The following COL25A1 variants were observed in gnomAD, a reference collection of about 807,000 sequenced individuals.
COL25A1 encodes collagen type XXV alpha 1 chain.
In COL25A1, 103 loss-of-function variants were observed where a neutral mutation model predicts 128.4. The observed-to-expected ratio is 0.80, with a 90% CI of 0.68 to 0.94. The LOEUF is 0.94. Ranked by LOEUF, COL25A1 falls within the 40% of genes least tolerant of loss-of-function variation. COL25A1 has a pLI of 0.00. For missense variants in COL25A1, 745 were observed against 840.0 expected, an observed-to-expected ratio of 0.89 and a Z score of 1.40; for synonymous variants, 279 against 277.2, an observed-to-expected ratio of 1.01 and a Z score of -0.06.
chr4:109,256,018 T>A (rs562806044), intron 3 of COL25A1, among the ~76,000 whole-genome samples: 1 of 152,116 alleles, frequency 6.6e-6, no homozygotes, highest in Admixed American at 6.5e-5. Flanking sequence ...CCTCCACATG[T>A]ACCTGAAACC....
intron 12 of COL25A1, among the ~76,000 whole-genome samples, chr4:108,920,287 C>A (rs552232948): frequency 6.6e-6 from 1 of 152,258 alleles, no homozygotes; most frequent in East Asian, 1.9e-4. Context: ...TTATCTTTCA[C>A]ATTTTAAATT....
intron 3 of COL25A1, among the ~76,000 whole-genome samples, chr4:109,051,310 T>C (rs1230165653): frequency 6.6e-6 from 1 of 152,174 alleles, no homozygotes; most frequent in African/African-American, 2.4e-5. Context: ...GTGGGGCAGT[T>C]AGTTTCCTTC....
chr4:108,828,466 T>C (rs1204934483), intron 32 of COL25A1, among the ~76,000 whole-genome samples: 1 of 152,146 alleles, frequency 6.6e-6, no homozygotes, highest in African/African-American at 2.4e-5. Context: ...TTTCAACCCC[T>C]CTGAATGCCA....
chr4:109,093,462 A>AAAACAACAAC (rs1553931001), intron 3 of COL25A1, among the ~76,000 whole-genome samples: 39 of 149,174 alleles, frequency 2.6e-4, no homozygotes, highest in African/African-American at 8.7e-4. Flanking sequence ...TCTATGAAAA[A>AAAACAACAAC]AAAAAAAAAA....
chr4:109,004,402 G>T (rs535729133), intron 6 of COL25A1, among the ~76,000 whole-genome samples: 1 of 83,496 alleles, frequency 1.2e-5, no homozygotes, highest in African/African-American at 3.8e-5. Flanking sequence ...TGAGGTTTGT[G>T]TTTTTTTTTT....
intron 3 of COL25A1, among the ~76,000 whole-genome samples, chr4:109,269,689 G>A (rs573346688): frequency 0.023 from 3,557 of 151,980 alleles, 151 homozygotes; most frequent in African/African-American, 0.078. Context: ...GCCAGTGACG[G>A]TGAACATTTT....
intron 6 of COL25A1, among the ~76,000 whole-genome samples, chr4:109,000,018 T>C (rs1231756763): frequency 6.6e-6 from 1 of 151,988 alleles, no homozygotes. Flanking sequence ...CTAATGTAAA[T>C]GACAAGTTGA....
chr4:108,867,378 T>C (rs1264880957), intron 20 of COL25A1, among the ~76,000 whole-genome samples: 1 of 152,240 alleles, frequency 6.6e-6, no homozygotes, highest in Non-Finnish European at 1.5e-5. Context: ...TAACAGGGAA[T>C]GCTCATTATT....
intron 3 of COL25A1, among the ~76,000 whole-genome samples, chr4:109,118,221 G>A (rs1579424015): frequency 6.6e-6 from 1 of 151,864 alleles, no homozygotes; most frequent in African/African-American, 2.4e-5. Context: ...ATAGAGAAAG[G>A]GGAGATGTTG....
chr4:109,169,521 T>C (rs962341111), intron 3 of COL25A1, among the ~76,000 whole-genome samples: 5 of 152,190 alleles, frequency 3.3e-5, no homozygotes, highest in African/African-American at 1.2e-4. Context: ...ACCTGTCTAA[T>C]GCTTTATATA....
At chr4:109,038,704 C>T (rs185371418) in intron 5 of COL25A1, among the ~76,000 whole-genome samples, 1 of 152,316 alleles carries the variant, frequency 6.6e-6, no homozygotes, top group East Asian at 1.9e-4. Context: ...AATATCTCCA[C>T]TTAGCTGTCT....
At chr4:109,115,928 C>G (rs535050076) in intron 3 of COL25A1, among the ~76,000 whole-genome samples, 1 of 152,110 alleles carries the variant, frequency 6.6e-6, no homozygotes, top group East Asian at 1.9e-4. Context: ...AGGTTACATA[C>G]ATAACAGATA....
At chr4:108,999,438 A>G (rs565864447) in intron 6 of COL25A1, among the ~76,000 whole-genome samples, 2 of 152,336 alleles carry the variant, frequency 1.3e-5, no homozygotes, top group East Asian at 3.9e-4. Flanking sequence ...ACCAGTTAGA[A>G]TGGCAATAAT....
chr4:109,255,457 T>G (rs1398848838), intron 3 of COL25A1, among the ~76,000 whole-genome samples: 1 of 152,206 alleles, frequency 6.6e-6, no homozygotes, highest in African/African-American at 2.4e-5. Context: ...TCTAAAGCCA[T>G]GGGTCTCCCC....
intron 35 of COL25A1, among the ~76,000 whole-genome samples, chr4:108,821,379 G>C (rs1015448057): frequency 5.9e-5 from 9 of 152,138 alleles, no homozygotes; most frequent in Admixed American, 4.6e-4. Context: ...GAACATTCAG[G>C]AGTAAGTTGG....
At chr4:108,853,535 T>C (rs970585457) in intron 24 of COL25A1, among the ~76,000 whole-genome samples, 2 of 151,936 alleles carry the variant, frequency 1.3e-5, no homozygotes, top group Non-Finnish European at 2.9e-5. Context: ...TGATTTATTA[T>C]ACTTAAGTTC....
intron 9 of COL25A1, 145 bp from the exon 10 acceptor site, chr4:108,940,791 CAATTTGCT>C: frequency 1.7e-6 from 1 of 579,098 alleles, no homozygotes; most frequent in Non-Finnish European, 2.9e-6. Flanking sequence ...AGCCTGTAGG[CAATTTGCT>C]TCCCAGCAGG....
intron 3 of COL25A1, among the ~76,000 whole-genome samples, chr4:109,082,250 A>G (rs561043733): frequency 6.6e-6 from 1 of 152,362 alleles, no homozygotes; most frequent in African/African-American, 2.4e-5. Context: ...GCTGTTAAAA[A>G]TAATCCTGCT....
intron 8 of COL25A1, among the ~76,000 whole-genome samples, chr4:108,962,445 C>T (rs1045345799): frequency 1.7e-4 from 26 of 152,090 alleles, no homozygotes; most frequent in African/African-American, 5.8e-4. Context: ...TCCCAAAATG[C>T]TGGGATTACA....
Sources: allele counts gnomAD v4.1 joint callset (sites outside exome capture counted in the v4.1 genomes callset), GRCh38; gene constraint gnomAD v4.1.1; transcripts MANE v1.5; gene names NCBI Gene and HGNC (gene_info 2026-07-23, HGNC 2026-07-21).